Variants in ABR observed in about 807,000 individuals in gnomAD.
ABR encodes the protein ABR activator of RhoGEF and GTPase.
A neutral mutation model predicts 107.2 loss-of-function variants in ABR; 35 were observed. The observed-to-expected ratio is 0.33, with a 90% CI of 0.25 to 0.43. The LOEUF is 0.43. Ranked by LOEUF, ABR falls within the 20% of genes least tolerant of loss-of-function variation. ABR has a pLI of 1.00. For synonymous variants in ABR, 498 were observed against 462.0 expected, an observed-to-expected ratio of 1.08 and a Z score of -1.00; for missense variants, 815 against 1,115.2, an observed-to-expected ratio of 0.73 and a Z score of 3.83.
chr17:1,177,434 C>T (rs1369777002), intron 1 of ABR, among the ~76,000 whole-genome samples: 1 of 152,216 alleles, frequency 6.6e-6, no homozygotes, highest in African/African-American at 2.4e-5. Flanking sequence ...GGAGGGTAGA[C>T]AGCTCAGGTG....
At chr17:1,171,976 G>T (rs374187576) in intron 1 of ABR, among the ~76,000 whole-genome samples, 13 of 152,250 alleles carry the variant, frequency 8.5e-5, no homozygotes, top group African/African-American at 3.1e-4. Context: ...AATCAATCAG[G>T]TCACCACAGA....
intron 16 of ABR, among the ~76,000 whole-genome samples, chr17:1,032,985 G>C (rs778274347): frequency 1.4e-4 from 22 of 152,336 alleles, no homozygotes; most frequent in Non-Finnish European, 2.6e-4. Context: ...CTGTTCTAGA[G>C]AGGTGAGGAC....
At chr17:1,025,711 T>C (rs1478792192) in intron 16 of ABR, among the ~76,000 whole-genome samples, 1 of 152,164 alleles carries the variant, frequency 6.6e-6, no homozygotes, top group East Asian at 1.9e-4. Context: ...AAGCCAGGCA[T>C]CCCCCCGTCA....
At chr17:1,061,228 C>A (rs137872599) in intron 10 of ABR, among the ~76,000 whole-genome samples, 234 of 152,158 alleles carry the variant, frequency 1.5e-3, no homozygotes, top group African/African-American at 5.4e-3. Context: ...AAGGCCACGT[C>A]TGCACAGCTG....
At chr17:1,196,295 T>C (rs2042563471) in intron 1 of ABR, among the ~76,000 whole-genome samples, 1 of 151,920 alleles carries the variant, frequency 6.6e-6, no homozygotes. Flanking sequence ...CTGGGCATGG[T>C]GGCACGTGCC....
chr17:1,160,801 T>C (rs2041256418), intron 1 of ABR, among the ~76,000 whole-genome samples: 2 of 152,332 alleles, frequency 1.3e-5, no homozygotes, highest in South Asian at 4.1e-4. Flanking sequence ...GTGGCGCATC[T>C]GAGAACCTAT....
intron 1 of ABR, among the ~76,000 whole-genome samples, chr17:1,196,696 CTT>C (rs377678872): frequency 3.6e-4 from 48 of 134,844 alleles, no homozygotes; most frequent in Admixed American, 1.1e-3. Context: ...TCCAACCTTC[CTT>C]TTTTTTTTTT....
At chr17:1,079,476 C>G (rs969109388) in intron 5 of ABR, 86 bp from the exon 6 acceptor site, 6 of 1,293,794 alleles carry the variant, frequency 4.6e-6, no homozygotes, top group Non-Finnish European at 6.6e-6. Flanking sequence ...AAGGGGAGTT[C>G]TGAAACTCAG....
Position 1,056,533 on chromosome 17 carries a change from T to A in ABR, c.1487-424A>T, listed in dbSNP as rs562595870. On this transcript the variant is annotated intron_variant, in intron 13 of 22. Transcript: ENST00000302538. ...GACCCTTTCCCAGCACACAGGCAGCTAGAATACACCCACTCCGGTCAGTTC... is the reference window on the plus strand; with the variant it reads ...GACCCTTTCCCAGCACACAGGCAGCAAGAATACACCCACTCCGGTCAGTTC... Among the ~76,000 whole-genome samples, 3 of 152,236 alleles carry A rather than the reference T, an allele frequency of 2.0e-5. No homozygotes were observed. In the East Asian group the frequency reaches 5.8e-4, roughly 29 times the overall value.
At chr17:1,109,864 C>T (rs956825355) in intron 2 of ABR, among the ~76,000 whole-genome samples, 3 of 135,838 alleles carry the variant, frequency 2.2e-5, no homozygotes, top group Admixed American at 1.4e-4. Context: ...AGCAGCCCCC[C>T]TCCTCCGAGC....
At chr17:1,110,053 A>G (rs1960893) in intron 2 of ABR, among the ~76,000 whole-genome samples, 104,963 of 141,756 alleles carry the variant, frequency 0.74, 38,881 homozygotes, top group East Asian at 0.86. Context: ...CACCTCCTCC[A>G]AGCAGCCCCC....
At chr17:1,086,855 C>A (rs890198982) in intron 4 of ABR, among the ~76,000 whole-genome samples, 10 of 152,088 alleles carry the variant, frequency 6.6e-5, no homozygotes, top group African/African-American at 2.4e-4. Flanking sequence ...ACACCTATAG[C>A]CCTCGCTACT....
intron 2 of ABR, among the ~76,000 whole-genome samples, chr17:1,120,499 G>A (rs111630376): frequency 0.019 from 2,855 of 152,208 alleles, 84 homozygotes; most frequent in African/African-American, 0.064. Context: ...GGATGGTCTT[G>A]AACTACTGAT....
chr17:1,213,695 G>T (rs1377679062), intron 1 of ABR, among the ~76,000 whole-genome samples: 1 of 149,616 alleles, frequency 6.7e-6, no homozygotes, highest in Non-Finnish European at 1.5e-5. Flanking sequence ...CCGGCCAAAG[G>T]TTACGGTCTT....
chr17:1,079,440 C>T (rs779909041), intron 5 of ABR, 50 bp from the exon 6 acceptor site: 2 of 1,527,432 alleles, frequency 1.3e-6, no homozygotes, highest in Admixed American at 1.8e-5. Context: ...CTCACCTCTC[C>T]CAGCCCCCAC....
rs1372461236 is a variant in ABR, at chr17:1,200,502, C to T, written c.838+28291G>A. On this transcript the variant is annotated intron_variant, in intron 1 of 22. Transcript: ENST00000574139. The surrounding 1 kb of genome is among the most constrained non-coding windows in gnomAD (Gnocchi z 4.1). ...ATCTGCCAGGGGTCCTGGGGCCAATCCCCCATGAAAATGGAGGGACAGGTG... is the reference window on the plus strand; with the variant it reads ...ATCTGCCAGGGGTCCTGGGGCCAATTCCCCATGAAAATGGAGGGACAGGTG... Among the ~76,000 whole-genome samples, 1 of 152,124 alleles carries T rather than the reference C, an allele frequency of 6.6e-6. No homozygotes were observed. Among genetic ancestry groups the T allele is most frequent in the African/African-American group, 2.4e-5 (1 of 41,432 alleles).
intron 1 of ABR, among the ~76,000 whole-genome samples, chr17:1,129,304 G>A (rs1367895604): frequency 3.3e-5 from 5 of 152,274 alleles, no homozygotes; most frequent in African/African-American, 7.2e-5. Flanking sequence ...GTGGGAGGCC[G>A]AGGCGGGCGG....
chr17:1,157,816 G>A lies in ABR; in HGVS notation c.61+21851C>T, dbSNP rs1002428245. On this transcript the variant is annotated intron_variant, in intron 1 of 22. Coordinates refer to ENST00000302538, the MANE Select transcript of ABR (RefSeq NM_021962.5). This position sits in a 1 kb window ranked among gnomAD's most constrained non-coding sequence, Gnocchi z 4.7. Reference sequence around the variant, plus strand: ...CTCAGGCGCACCCAGGCAGACCCACGATGGGGTGCACTCAGCCCCGTATCA... The same window carrying A: ...CTCAGGCGCACCCAGGCAGACCCACAATGGGGTGCACTCAGCCCCGTATCA... 5.9e-5 allele frequency among the ~76,000 whole-genome samples: 9 copies of A among 152,238 alleles called. No individual in the cohort carries two copies. The highest frequency in any genetic ancestry group is 1.9e-4 in the East Asian group (1 of 5,206).
chr17:1,116,858 C>T (rs904967173), intron 2 of ABR, among the ~76,000 whole-genome samples: 41 of 152,290 alleles, frequency 2.7e-4, no homozygotes, highest in African/African-American at 8.4e-4. Context: ...GACCCAAGAT[C>T]CAGGAAGGGG....
Sources: allele counts gnomAD v4.1 joint callset (sites outside exome capture counted in the v4.1 genomes callset), GRCh38; gene constraint gnomAD v4.1.1; non-coding constraint Gnocchi (gnomAD v3.1); transcripts MANE v1.5; gene names NCBI Gene and HGNC (gene_info 2026-07-23, HGNC 2026-07-21).